Variants in CCDC27 observed in about 807,000 individuals in gnomAD.
CCDC27 encodes coiled-coil domain-containing protein 27.
Under a neutral mutation model 80.3 loss-of-function variants are expected in CCDC27, and 80 were observed. That is an observed-to-expected ratio of 1.00 (90% CI 0.83 to 1.20). The LOEUF (loss-of-function observed/expected upper bound fraction) is 1.20. CCDC27 is among the 50% of genes most tolerant of loss of function. CCDC27 has a pLI of 0.00. For missense variants in CCDC27, 815 were observed against 809.4 expected, an observed-to-expected ratio of 1.01 and a Z score of -0.08; for synonymous variants, 342 against 334.3, an observed-to-expected ratio of 1.02 and a Z score of -0.25.
chr1:3,762,522 C>T, intron 5 of CCDC27, 98 bp from the exon 6 acceptor site: 3 of 940,882 alleles, frequency 3.2e-6, no homozygotes, highest in East Asian at 2.7e-5. Flanking sequence ...CCTCCCCAGA[C>T]ATGAGAGGCC....
rs200546551 is a variant in CCDC27 at position 3,755,561 on chromosome 1, G to A, written c.547G>A (p.Val183Met). 1.7e-5 allele frequency: 28 copies of A among 1,613,506 alleles called. No homozygotes were observed. The highest frequency in any genetic ancestry group is 3.3e-5 in the South Asian group (3 of 91,086). ...FLARRGSDTN[V>M]DGYLLPFSKS... ...GGCCAGGCGGGGCTCAGACACGAACGTGGACGGTGAGGGAGCCCCTAGGGC... is the reference window on the plus strand; with the variant it reads ...GGCCAGGCGGGGCTCAGACACGAACATGGACGGTGAGGGAGCCCCTAGGGC... Residue 183 changes from valine to methionine, a missense_variant, in exon 3 of 12, where the codon GTG (valine) becomes ATG (methionine). By Grantham distance (21) the Val-to-Met change is conservative. Coordinates refer to ENST00000294600, the MANE Select transcript of CCDC27 (RefSeq NM_152492.3).
At position 3,766,966 on chromosome 1, in the gene CCDC27, G is replaced by A. The variant is rs546904184; in HGVS notation, c.1531-267G>A. On this transcript the variant is annotated intron_variant, in intron 9 of 11. Transcript: ENST00000294600. The surrounding 1 kb of genome is among the most constrained non-coding windows in gnomAD (Gnocchi z 6.1). ...AGTGATTCTCCTGCCTCAGTCTCCC[G>A]AGTAGCTGGGACTACCAGCACTTGC... Among the ~76,000 whole-genome samples, 35 of 149,416 alleles carry A rather than the reference G, an allele frequency of 2.3e-4. No homozygotes were observed. The East Asian group carries it at 6.4e-3, about 27-fold the overall frequency.
rs1399540534 is a variant in CCDC27, at chr1:3,762,683, C to T, written c.925C>T (p.His309Tyr). 19 of 1,549,572 alleles carry T rather than the reference C, an allele frequency of 1.2e-5. No homozygotes were observed. The Admixed American group carries it at 3.1e-4, about 26-fold the overall frequency. ...RLSLLKAFSR[H>Y]EEELQHWWQM... Reference sequence around the variant, plus strand: ...GAGCCTCCTGAAGGCCTTCTCCAGACATGAGGAGGAGCTGCAGCACTGGTG... The same window carrying T: ...GAGCCTCCTGAAGGCCTTCTCCAGATATGAGGAGGAGCTGCAGCACTGGTG... Residue 309 changes from histidine to tyrosine, a missense_variant, in exon 6 of 12, where the codon CAT becomes TAT. By Grantham distance (83) the His-to-Tyr change is moderately conservative. Coordinates refer to ENST00000294600, the MANE Select transcript of CCDC27 (RefSeq NM_152492.3).
Position 3,763,582 on chromosome 1 carries a change from C to G in CCDC27, c.1321+108C>G, listed in dbSNP as rs1291446575. On this transcript the variant is annotated intron_variant, in intron 7 of 11. Transcript: ENST00000294600. The surrounding 1 kb of genome is among the most constrained non-coding windows in gnomAD (Gnocchi z 7.5). ...TCTGGTCAGTGAGCTGGAGCAGGGG[C>G]AGGTGTCGGCAGCCTCACCCAGGCT... The G allele has an allele frequency of 3.9e-6, 6 of 1,551,438 alleles. No homozygotes were observed. Among genetic ancestry groups the G allele is most frequent in the Non-Finnish European group, 2.6e-6 (3 of 1,143,136 alleles).
In CCDC27 at chr1:3,761,417, C is replaced by G; in HGVS notation, c.848C>G (p.Ser283Cys). 6.2e-7 allele frequency: 1 copy of G among 1,613,734 alleles called. No individual in the cohort carries two copies. The highest frequency in any genetic ancestry group is 8.5e-7 in the Non-Finnish European group (1 of 1,179,950). ...GGCAAAGGCCAAGAGACATCCATGT[C>G]CCCAGGCAGGAGGGTGAGCCAGCCC... ...LKGKGQETSM[S>C]PGRREQLSDA... The change falls in exon 5 of 12, where the codon TCC (serine) becomes TGC (cysteine). Residue 283 changes from serine to cysteine, a missense_variant. By Grantham distance (112) the Ser-to-Cys change is moderately radical. Coordinates refer to ENST00000294600, the MANE Select transcript of CCDC27 (RefSeq NM_152492.3). The surrounding 1 kb of genome is among the most constrained non-coding windows in gnomAD (Gnocchi z 5.0).
rs1203976427 is a variant in CCDC27, at chr1:3,769,719, C to T, written c.1744-64C>T. 9.1e-7 allele frequency: 1 copy of T among 1,100,434 alleles called. No individual in the cohort carries two copies. The highest frequency in any genetic ancestry group is 1.2e-5 in the South Asian group (1 of 80,622). 68.2% of individuals were successfully genotyped at this position (1,100,434 alleles called of 1,614,324 possible). On this transcript the variant is annotated intron_variant, in intron 10 of 11. Coordinates refer to ENST00000294600, the MANE Select transcript of CCDC27 (RefSeq NM_152492.3). The surrounding 1 kb of genome is among the most constrained non-coding windows in gnomAD (Gnocchi z 4.6). ...ATAAAAAATAAGGTGGTGGGGGGTG[C>T]AGCCCACTGGCCAGGTGCCTTCTTG...
At chr1:3,764,522 A>G (rs1643181081) in intron 8 of CCDC27, among the ~76,000 whole-genome samples, 3 of 151,980 alleles carry the variant, frequency 2.0e-5, no homozygotes, top group African/African-American at 7.3e-5. Context: ...CAGCCTTTCC[A>G]TCCACCCTCC....
chr1:3,754,386 C>G, intron 2 of CCDC27, 145 bp downstream of exon 2: 1 of 1,119,764 alleles, frequency 8.9e-7, no homozygotes, highest in Non-Finnish European at 1.2e-6. Context: ...GAAATCCGCT[C>G]TGTGCTCAGG....
intron 11 of CCDC27, 94 bp from the exon 12 acceptor site, chr1:3,771,307 C>T (rs1225331348): frequency 4.0e-6 from 6 of 1,507,024 alleles, no homozygotes; most frequent in African/African-American, 2.8e-5. Context: ...GAGAGGGTGG[C>T]GTCCCGGGCA....
In CCDC27 at chr1:3,760,146, A is replaced by G. The variant is rs1481767873; in HGVS notation, c.712-1135A>G. ...TTCCAGCAGTCCTTGCACTATTTTG[A>G]GACGTGCAAGTGTCTCGGGACCATG... On this transcript the variant is annotated intron_variant, in intron 4 of 11. Transcript: ENST00000294600. This position sits in a 1 kb window ranked among gnomAD's most constrained non-coding sequence, Gnocchi z 4.3. 1.3e-5 allele frequency among the ~76,000 whole-genome samples: 2 copies of G among 152,164 alleles called. No individual in the cohort carries two copies. The highest frequency in any genetic ancestry group is 2.9e-5 in the Non-Finnish European group (2 of 68,026).
chr1:3,756,615 TG>T, intron 3 of CCDC27, 117 bp from the exon 4 acceptor site: 1 of 1,055,420 alleles, frequency 9.5e-7, no homozygotes, highest in Non-Finnish European at 1.4e-6. Flanking sequence ...GGAGTCTGTC[TG>T]GGCAGATAGG....
Position 3,771,517 on chromosome 1 carries a change from C to A in CCDC27, c.1965C>A (p.Ser655=). The A allele has an allele frequency of 6.2e-7, 1 of 1,613,422 alleles. No individual in the cohort carries two copies. The highest frequency in any genetic ancestry group is 8.5e-7 in the Non-Finnish European group (1 of 1,179,958). Residue 655 remains serine, a synonymous_variant, in exon 12 of 12, where the codon TCC becomes TCA. Transcript: ENST00000294600. The part of the protein sequence containing the change: ...FLTSKSKKGT[S]K Reference sequence around the variant, plus strand: ...CCAGCAAATCCAAGAAGGGGACCTCCAAGTAGGCCCAGCCAGGCCCCCAAA... The same window carrying A: ...CCAGCAAATCCAAGAAGGGGACCTCAAAGTAGGCCCAGCCAGGCCCCCAAA...
In CCDC27 at chr1:3,769,660, T is replaced by C. The variant is rs564688431; in HGVS notation, c.1744-123T>C. 11 of 702,864 alleles carry C rather than the reference T, an allele frequency of 1.6e-5. No individual in the cohort carries two copies. Among genetic ancestry groups the C allele is most frequent in the Middle Eastern group, 2.4e-4 (1 of 4,090 alleles). The allele number at this position is 702,864 out of a possible 1,614,324, so 43.5% of individuals were successfully genotyped here. A position where few individuals can be genotyped will look rare whatever the true frequency, so the allele number is the denominator to read the frequency against. On this transcript the variant is annotated intron_variant, in intron 10 of 11. Coordinates refer to ENST00000294600, the MANE Select transcript of CCDC27 (RefSeq NM_152492.3). This position sits in a 1 kb window ranked among gnomAD's most constrained non-coding sequence, Gnocchi z 4.6. ...CACCTGTTTCCAGTTTCTAAAGCCA[T>C]GAAAAGTGAGGGTGAGCTGTTCCTT...
In CCDC27 at chr1:3,766,754, C is replaced by G. The variant is rs1184476671; in HGVS notation, c.1530+142C>G. 1.6e-6 allele frequency: 1 copy of G among 636,494 alleles called. No homozygotes were observed. Among genetic ancestry groups the G allele is most frequent in the Non-Finnish European group, 2.7e-6 (1 of 365,810 alleles). 39.4% of individuals were successfully genotyped at this position (636,494 alleles called of 1,614,324 possible). On this transcript the variant is annotated intron_variant, in intron 9 of 11. Transcript: ENST00000294600. The surrounding 1 kb of genome is among the most constrained non-coding windows in gnomAD (Gnocchi z 6.1). The stretch of plus-strand genomic sequence containing the variant: ...CGGTAGCATGCCACTCGACAGATCT[C>G]TGCACCCCACGTCCACACAGAAGGC...
chr1:3,765,035 CA>C (rs57991746), intron 8 of CCDC27, among the ~76,000 whole-genome samples: 52,142 of 114,840 alleles, frequency 0.45, 9,858 homozygotes, highest in African/African-American at 0.53. Context: ...AACTCCATCT[CA>C]AAAAAAAAAA....
At chr1:3,762,996 C>T in intron 6 of CCDC27, 112 bp from the exon 7 acceptor site, 1 of 1,314,292 alleles carries the variant, frequency 7.6e-7, no homozygotes, top group Non-Finnish European at 1.0e-6. Context: ...CTGGACCCTG[C>T]AGCAGCCTGG....
chr1:3,771,547 G>A lies in CCDC27; in HGVS notation c.*24G>A, dbSNP rs1557634694. ...AGGCCCAGCCAGGCCCCCAAATACGGTCAGCCCAGCAGAGGCCGGGGCCCA... is the reference window on the plus strand; with the variant it reads ...AGGCCCAGCCAGGCCCCCAAATACGATCAGCCCAGCAGAGGCCGGGGCCCA... On this transcript the variant is annotated 3_prime_UTR_variant, in exon 12 of 12. Transcript: ENST00000294600. 4.3e-6 allele frequency: 7 copies of A among 1,612,008 alleles called. No individual in the cohort carries two copies. Among genetic ancestry groups the A allele is most frequent in the Middle Eastern group, 1.9e-4 (1 of 5,296 alleles).
rs564693299 is a variant in CCDC27, at chr1:3,761,162, C to T, written c.712-119C>T. ...GTACCTATCTTGAAATCCCTGGGAC[C>T]CTGGGGTTTTGGGGTACCACGACAG... is the stretch of plus-strand genomic sequence containing the variant. On this transcript the variant is annotated intron_variant, in intron 4 of 11. Coordinates refer to ENST00000294600, the MANE Select transcript of CCDC27 (RefSeq NM_152492.3). This position sits in a 1 kb window ranked among gnomAD's most constrained non-coding sequence, Gnocchi z 5.0. 121 of 1,194,276 alleles carry T rather than the reference C, an allele frequency of 1.0e-4. No individual in the cohort carries two copies. The African/African-American group carries it at 1.1e-3, about 11-fold the overall frequency. The allele number at this position is 1,194,276 out of a possible 1,614,324, so 74.0% of individuals were successfully genotyped here. A position where few individuals can be genotyped will look rare whatever the true frequency, so the allele number is the denominator to read the frequency against.
chr1:3,767,977 C>CAGT (rs1193565235), intron 10 of CCDC27, among the ~76,000 whole-genome samples: 3 of 152,046 alleles, frequency 2.0e-5, no homozygotes, highest in African/African-American at 7.3e-5. Flanking sequence ...TGGGATTTGG[C>CAGT]AGTCTCAACT....
Sources: allele counts gnomAD v4.1 joint callset (sites outside exome capture counted in the v4.1 genomes callset), GRCh38; gene constraint gnomAD v4.1.1; non-coding constraint Gnocchi (gnomAD v3.1); transcripts MANE v1.5; gene names NCBI Gene and HGNC (gene_info 2026-07-23, HGNC 2026-07-21).